Variants in PKHD1L1 observed in about 807,000 individuals in gnomAD.
PKHD1L1 encodes the protein PKHD1 like 1.
A neutral mutation model predicts 462.9 loss-of-function variants in PKHD1L1; 434 were observed. That is an observed-to-expected ratio of 0.94 (90% CI 0.87 to 1.02). The LOEUF (loss-of-function observed/expected upper bound fraction) is 1.02. PKHD1L1 is among the 50% of genes least tolerant of loss of function. PKHD1L1 has a pLI of 0.00. For missense variants in PKHD1L1, 5,202 were observed against 5,096.1 expected, an observed-to-expected ratio of 1.02 and a Z score of -0.63; for synonymous variants, 1,781 against 1,750.0, an observed-to-expected ratio of 1.02 and a Z score of -0.44.
At chr8:109,385,421 T>TGA (rs1812387955) in intron 5 of PKHD1L1, 116 bp from the exon 6 acceptor site, 1 of 572,404 alleles carries the variant, frequency 1.7e-6, no homozygotes, top group South Asian at 2.6e-5. Flanking sequence ...GTGGCAAACA[T>TGA]GAGGTATAAG....
intron 19 of PKHD1L1, among the ~76,000 whole-genome samples, chr8:109,411,091 A>C (rs1325203744): frequency 6.6e-6 from 1 of 152,088 alleles, no homozygotes; most frequent in Non-Finnish European, 1.5e-5. Flanking sequence ...TTCAGAGATT[A>C]TAATTTATGG....
intron 43 of PKHD1L1, among the ~76,000 whole-genome samples, chr8:109,453,274 TA>T (rs1816640698): frequency 6.6e-6 from 1 of 152,126 alleles, no homozygotes; most frequent in South Asian, 2.1e-4. Flanking sequence ...TCCCAGGAAA[TA>T]AAAAGTCATC....
Position 109,385,585 on chromosome 8 carries a change from G to A in PKHD1L1, c.524G>A (p.Ser175Asn). Residue 175 changes from serine to asparagine, a missense_variant, in exon 6 of 78, where the codon AGT (serine) becomes AAT (asparagine). Coordinates refer to ENST00000378402, the MANE Select transcript of PKHD1L1 (RefSeq NM_177531.6). ...AGAATCTTCACTGATGTCTATGGAA[G>A]TAATATTGCACTAAGCTCAAATGGG... ...QGRIFTDVYG[S>N]NIALSSNGKN... 1.2e-6 allele frequency: 2 copies of A among 1,606,788 alleles called. No homozygotes were observed. Among genetic ancestry groups the A allele is most frequent in the South Asian group, 1.1e-5 (1 of 90,158 alleles).
intron 49 of PKHD1L1, among the ~76,000 whole-genome samples, 179 bp downstream of exon 49, chr8:109,465,424 G>A (rs1335612203): frequency 1.3e-5 from 2 of 152,162 alleles, no homozygotes; most frequent in African/African-American, 4.8e-5. Context: ...GTTTCTGGAA[G>A]AGCCCCAATC....
intron 32 of PKHD1L1, 62 bp downstream of exon 32, chr8:109,439,154 T>A: frequency 6.9e-7 from 1 of 1,458,850 alleles, no homozygotes; most frequent in South Asian, 1.3e-5. Flanking sequence ...GGAATTGGGA[T>A]AGGAAAAGAA....
chr8:109,522,189 A>G lies in PKHD1L1; in HGVS notation c.12035A>G (p.Gln4012Arg). The G allele has an allele frequency of 1.3e-6, 2 of 1,598,440 alleles. No individual in the cohort carries two copies. The highest frequency in any genetic ancestry group is 8.6e-7 in the Non-Finnish European group (1 of 1,167,114). The change falls in exon 74 of 78, where the codon CAG becomes CGG. Residue 4012 changes from glutamine (Q) to arginine (R), a missense_variant. By Grantham distance (43) the Gln-to-Arg change is conservative. Transcript: ENST00000378402. ...GTCATAATACTTTTCCCCATAGGTCAGATGCAGTTATCTGAACTCCAGGAA... is the reference window on the plus strand; with the variant it reads ...GTCATAATACTTTTCCCCATAGGTCGGATGCAGTTATCTGAACTCCAGGAA... ...IQFISNGTTG[Q>R]MQLSELQEIA... is the part of the protein sequence containing the mutation.
intron 50 of PKHD1L1, among the ~76,000 whole-genome samples, chr8:109,467,884 A>G (rs1398210657): frequency 3.3e-5 from 5 of 152,202 alleles, no homozygotes; most frequent in Non-Finnish European, 7.4e-5. Flanking sequence ...ATCAAGGTCT[A>G]AACACATAAT....
At chr8:109,459,897 G>A in intron 47 of PKHD1L1, 61 bp downstream of exon 47, 2 of 1,426,798 alleles carry the variant, frequency 1.4e-6, no homozygotes, top group Non-Finnish European at 1.9e-6. Flanking sequence ...AATTTAATTG[G>A]TTTATATTGA....
At chr8:109,522,968 C>T in intron 75 of PKHD1L1, 78 bp downstream of exon 75, 1 of 1,401,088 alleles carries the variant, frequency 7.1e-7, no homozygotes. Flanking sequence ...TTTCACTCAT[C>T]CTGGTGTGCT....
At chr8:109,501,335 T>C (rs1435386365) in intron 67 of PKHD1L1, among the ~76,000 whole-genome samples, 1 of 152,152 alleles carries the variant, frequency 6.6e-6, no homozygotes, top group African/African-American at 2.4e-5. Flanking sequence ...TTGTCGAACG[T>C]GAGTTCTTTA....
chr8:109,470,974 C>G (rs1817685611), intron 50 of PKHD1L1: 1 of 1,610,578 alleles, frequency 6.2e-7, no homozygotes, highest in Admixed American at 1.7e-5. Context: ...ACAAGCAGCT[C>G]GAGTCCATAG....
intron 27 of PKHD1L1, among the ~76,000 whole-genome samples, chr8:109,431,117 A>G (rs757914160): frequency 2.0e-5 from 3 of 151,854 alleles, no homozygotes; most frequent in Non-Finnish European, 4.4e-5. Flanking sequence ...ACAGGTGCAT[A>G]CCACCACACT....
intron 23 of PKHD1L1, among the ~76,000 whole-genome samples, chr8:109,424,037 T>C (rs1335631591): frequency 6.6e-6 from 1 of 152,186 alleles, no homozygotes; most frequent in Non-Finnish European, 1.5e-5. Flanking sequence ...TTTTACAAAG[T>C]AGATACACTC....
At chr8:109,498,439 T>G (rs766648308) in intron 65 of PKHD1L1, 23 bp from the exon 66 acceptor site, 2 of 1,527,428 alleles carry the variant, frequency 1.3e-6, no homozygotes, top group Non-Finnish European at 1.8e-6. Context: ...TAATGCTATA[T>G]TGTTTGGCTT....
chr8:109,381,142 A>G (rs1812091878), intron 2 of PKHD1L1, among the ~76,000 whole-genome samples: 1 of 152,198 alleles, frequency 6.6e-6, no homozygotes, highest in South Asian at 2.1e-4. Context: ...GAATACTAAG[A>G]GATGACTGTA....
At chr8:109,406,800 G>A (rs1813575714) in intron 17 of PKHD1L1, among the ~76,000 whole-genome samples, 2 of 151,828 alleles carry the variant, frequency 1.3e-5, no homozygotes, top group African/African-American at 4.8e-5. Flanking sequence ...CACTCATCTG[G>A]TCAAATCTTG....
Position 109,409,992 on chromosome 8 carries a change from A to G in PKHD1L1, c.2085+14A>G. On this transcript the variant is annotated intron_variant, in intron 19 of 77. Coordinates refer to ENST00000378402, the MANE Select transcript of PKHD1L1 (RefSeq NM_177531.6). The stretch of plus-strand genomic sequence containing the variant: ...GATTTTAATCTGGTATGAAATATTT[A>G]ATGAACTGTGAAACTGACCTAATAA... 3.6e-6 allele frequency: 5 copies of G among 1,380,728 alleles called. No homozygotes were observed. Among genetic ancestry groups the G allele is most frequent in the Non-Finnish European group, 5.0e-6 (5 of 997,432 alleles). The allele number at this position is 1,380,728 out of a possible 1,614,324, so 85.5% of individuals were successfully genotyped here.
At chr8:109,515,104 G>A (rs781173698) in intron 71 of PKHD1L1, 66 bp from the exon 72 acceptor site, 11 of 1,247,034 alleles carry the variant, frequency 8.8e-6, no homozygotes, top group Admixed American at 3.0e-5. Flanking sequence ...ATTGAAGGAC[G>A]GTTTAAGTGC....
intron 21 of PKHD1L1, among the ~76,000 whole-genome samples, chr8:109,416,711 C>G (rs1023688734): frequency 6.6e-6 from 1 of 152,078 alleles, no homozygotes; most frequent in African/African-American, 2.4e-5. Context: ...TAGGCAGATG[C>G]AATACCAGAA....
Sources: allele counts gnomAD v4.1 joint callset (sites outside exome capture counted in the v4.1 genomes callset), GRCh38; gene constraint gnomAD v4.1.1; transcripts MANE v1.5; gene names NCBI Gene and HGNC (gene_info 2026-07-23, HGNC 2026-07-21).